PDE6C: variants seen among roughly 807,000 people sequenced by gnomAD.
The protein encoded by PDE6C is phosphodiesterase 6C.
A neutral mutation model predicts 113.1 loss-of-function variants in PDE6C; 75 were observed. The observed-to-expected ratio is 0.66, with a 90% CI of 0.55 to 0.80. PDE6C has a LOEUF of 0.80. Ranked by LOEUF, PDE6C falls within the 30% of genes least tolerant of loss-of-function variation. PDE6C has a pLI of 0.00. For missense variants in PDE6C, 912 were observed against 1,038.6 expected (o/e 0.88, Z 1.67); for synonymous variants, 375 against 363.7 (o/e 1.03, Z -0.35).
At chr10:93,633,330 G>T (rs1017902793) in intron 8 of PDE6C, among the ~76,000 whole-genome samples, 4 of 152,006 alleles carry the variant, frequency 2.6e-5, no homozygotes, top group Non-Finnish European at 5.9e-5. Context: ...GCCAGGCTTG[G>T]TGGGGCATGC....
At chr10:93,623,392 T>C (rs1309404647) in intron 4 of PDE6C, among the ~76,000 whole-genome samples, 3 of 152,216 alleles carry the variant, frequency 2.0e-5, no homozygotes, top group African/African-American at 7.2e-5. Flanking sequence ...TGCAAATACT[T>C]TCTCCCAGTC....
intron 1 of PDE6C, among the ~76,000 whole-genome samples, chr10:93,616,050 T>G (rs1278500400): frequency 6.6e-6 from 1 of 152,212 alleles, no homozygotes; most frequent in Non-Finnish European, 1.5e-5. Flanking sequence ...GAAACCAATG[T>G]TTCAAATGAA....
At chr10:93,623,402 C>G (rs1589694051) in intron 4 of PDE6C, among the ~76,000 whole-genome samples, 1 of 152,158 alleles carries the variant, frequency 6.6e-6, no homozygotes, top group African/African-American at 2.4e-5. Context: ...TTCTCCCAGT[C>G]TGTGGCTTAT....
intron 8 of PDE6C, among the ~76,000 whole-genome samples, chr10:93,630,189 C>T (rs1317568811): frequency 6.6e-6 from 1 of 152,114 alleles, no homozygotes; most frequent in Non-Finnish European, 1.5e-5. Context: ...CAGAGACCCA[C>T]TGCCTGGGGA....
rs2134617509 is a variant in PDE6C, at chr10:93,646,030, ACT to A, written c.1921_1922del (p.Leu641ValfsTer4). On this transcript the variant is annotated frameshift_variant, in exon 15 of 22. Transcript: ENST00000371447. LOFTEE classifies it high-confidence loss of function. ...LERHHLEYSK[T>X]LLQDESLNIF... ...GAGGCACCACCTGGAGTACAGTAAG[ACT>A]CTGTTGCAGGATGAGGTACGTAAAC... 1.3e-6 allele frequency: 2 copies of A among 1,595,734 alleles called. No homozygotes were observed. The highest frequency in any genetic ancestry group is 1.7e-6 in the Non-Finnish European group (2 of 1,163,230).
chr10:93,656,344 G>C (rs1000502986), intron 16 of PDE6C, among the ~76,000 whole-genome samples: 1 of 152,200 alleles, frequency 6.6e-6, no homozygotes, highest in East Asian at 1.9e-4. Context: ...TTACAAAACT[G>C]AGTCATACGT....
chr10:93,658,882 A>AC lies in PDE6C; in HGVS notation c.2037-18dup. The AC allele has an allele frequency of 7.1e-7, 1 of 1,408,984 alleles. No homozygotes were observed. Among genetic ancestry groups the AC allele is most frequent in the Admixed American group, 1.7e-5 (1 of 59,726 alleles). 87.3% of individuals were successfully genotyped at this position (1,408,984 alleles called of 1,614,324 possible). On this transcript the variant is annotated intron_variant, in intron 16 of 21. Coordinates refer to ENST00000371447, the MANE Select transcript of PDE6C (RefSeq NM_006204.4). ...TTTTCATAAGCTAAAATTGTTGCTC[A>AC]CAGCTGTATCTTTTCTAGGAAGAGG...
intron 14 of PDE6C, among the ~76,000 whole-genome samples, chr10:93,645,647 T>C (rs574075213): frequency 6.6e-6 from 1 of 152,296 alleles, no homozygotes; most frequent in South Asian, 2.1e-4. Flanking sequence ...ACATGTTTGC[T>C]ATATGTTTTA....
chr10:93,643,278 G>A (rs1470662267), intron 14 of PDE6C, among the ~76,000 whole-genome samples: 1 of 152,104 alleles, frequency 6.6e-6, no homozygotes, highest in Non-Finnish European at 1.5e-5. Context: ...GCATTGGCCT[G>A]GTTTTCTTTC....
At chr10:93,655,145 C>G (rs934012248) in intron 15 of PDE6C, among the ~76,000 whole-genome samples, 1 of 152,070 alleles carries the variant, frequency 6.6e-6, no homozygotes, top group African/African-American at 2.4e-5. Flanking sequence ...AGAAATGAAG[C>G]TGATCCTTAT....
At chr10:93,615,865 G>A (rs1341593472) in intron 1 of PDE6C, among the ~76,000 whole-genome samples, 4 of 152,178 alleles carry the variant, frequency 2.6e-5, no homozygotes, top group Non-Finnish European at 2.9e-5. Context: ...TGGAGGACAG[G>A]AAGTTGAGGC....
At chr10:93,623,292 G>A (rs2058457463) in intron 4 of PDE6C, among the ~76,000 whole-genome samples, 1 of 151,944 alleles carries the variant, frequency 6.6e-6, no homozygotes, top group Non-Finnish European at 1.5e-5. Context: ...CAGATTTTTT[G>A]CCCACATTTT....
intron 1 of PDE6C, 44 bp from the exon 2 acceptor site, chr10:93,620,586 CTA>C (rs1406799219): frequency 3.1e-6 from 5 of 1,598,630 alleles, no homozygotes. Flanking sequence ...ATCTACCACT[CTA>C]TGATTTTGTG....
At chr10:93,633,174 T>G (rs2785143) in intron 8 of PDE6C, among the ~76,000 whole-genome samples, 1 of 152,176 alleles carries the variant, frequency 6.6e-6, no homozygotes, top group Non-Finnish European at 1.5e-5. Context: ...TTATTGAAGA[T>G]GCATGCCCAG....
intron 4 of PDE6C, among the ~76,000 whole-genome samples, chr10:93,624,439 C>T (rs1158831066): frequency 3.3e-5 from 5 of 152,060 alleles, no homozygotes; most frequent in African/African-American, 7.2e-5. Context: ...GATTTCGCCA[C>T]GTTGGCCAGA....
intron 14 of PDE6C, among the ~76,000 whole-genome samples, chr10:93,645,657 A>G (rs1012777741): frequency 1.3e-5 from 2 of 152,288 alleles, no homozygotes; most frequent in African/African-American, 4.8e-5. Context: ...TATATGTTTT[A>G]TAAGTCATAG....
Position 93,612,586 on chromosome 10 carries a change from A to G in PDE6C, c.-140A>G. 1 of 1,137,292 alleles carries G rather than the reference A, an allele frequency of 8.8e-7. No individual in the cohort carries two copies. Among genetic ancestry groups the G allele is most frequent in the East Asian group, 2.4e-5 (1 of 42,544 alleles). 70.5% of individuals were successfully genotyped at this position (1,137,292 alleles called of 1,614,324 possible). On this transcript the variant is annotated 5_prime_UTR_variant, in exon 1 of 22. Coordinates refer to ENST00000371447, the MANE Select transcript of PDE6C (RefSeq NM_006204.4). ...GTTTGAAAGCTCTGCTTTCTGCTTG[A>G]CCTTTGGAAGTCCTATGAGGGACCA...
intron 18 of PDE6C, among the ~76,000 whole-genome samples, chr10:93,659,793 A>T (rs2058657669): frequency 6.6e-6 from 1 of 152,244 alleles, no homozygotes; most frequent in Non-Finnish European, 1.5e-5. Flanking sequence ...GTGGGGACAT[A>T]GCCAAACTAT....
chr10:93,619,221 T>A (rs759795713), intron 1 of PDE6C, among the ~76,000 whole-genome samples: 1 of 152,152 alleles, frequency 6.6e-6, no homozygotes, highest in African/African-American at 2.4e-5. Flanking sequence ...GCCAGTGGAT[T>A]AGAATTATCT....
Sources: gnomAD v4.1 joint callset for allele counts (sites outside exome capture counted in the v4.1 genomes callset) on GRCh38, gnomAD v4.1.1 for gene constraint, MANE v1.5 for transcripts, NCBI Gene and HGNC (gene_info 2026-07-23, HGNC 2026-07-21) for gene names.